The following STARD13 variants were observed in gnomAD, a reference collection of about 807,000 sequenced individuals.
STARD13 encodes StAR related lipid transfer domain containing 13, also known as stAR-related lipid transfer protein 13.
A neutral mutation model predicts 106.4 loss-of-function variants in STARD13; 62 were observed. That is an observed-to-expected ratio of 0.58 (90% CI 0.48 to 0.72). STARD13 has a LOEUF of 0.72. STARD13 is among the 30% of genes least tolerant of loss of function. The pLI, the probability that STARD13 is intolerant of heterozygous loss-of-function variation, is 0.00. For synonymous variants in STARD13, 565 were observed against 553.0 expected, an observed-to-expected ratio of 1.02 and a Z score of -0.31; for missense variants, 1,387 against 1,424.0, an observed-to-expected ratio of 0.97 and a Z score of 0.42.
the STARD13 span, among the ~76,000 whole-genome samples, chr13:33,671,025 A>G: frequency 2.6e-5 from 4 of 152,264 alleles, no homozygotes; most frequent in East Asian, 1.9e-4. Context: ...TCTAGTTAAA[A>G]GGGAATAATG....
chr13:33,483,585 C>G, the STARD13 span, among the ~76,000 whole-genome samples: 15 of 152,200 alleles, frequency 9.9e-5, no homozygotes, highest in Non-Finnish European at 1.9e-4. Flanking sequence ...TGGAAACTCA[C>G]CAGATCACTC....
At chr13:33,529,284 A>G in the STARD13 span, among the ~76,000 whole-genome samples, 1 of 152,198 alleles carries the variant, frequency 6.6e-6, no homozygotes, top group Non-Finnish European at 1.5e-5. Context: ...GGAATAAAGC[A>G]TGAGATGTGA....
chr13:33,268,695 C>T (rs1224205768), intron 1 of STARD13, among the ~76,000 whole-genome samples: 2 of 152,240 alleles, frequency 1.3e-5, no homozygotes, highest in South Asian at 2.1e-4. Context: ...ATGAACATGG[C>T]CTCTACAACT....
intron 1 of STARD13, among the ~76,000 whole-genome samples, chr13:33,206,433 C>A (rs1887425242): frequency 6.6e-6 from 1 of 151,870 alleles, no homozygotes; most frequent in South Asian, 2.1e-4. Context: ...ACTGTGCAAA[C>A]CAATTCCAAG....
At chr13:33,341,479 A>G (rs1371332919) in intron 1 of STARD13, among the ~76,000 whole-genome samples, 1 of 151,962 alleles carries the variant, frequency 6.6e-6, no homozygotes, top group African/African-American at 2.4e-5. Flanking sequence ...TCTACTAAAA[A>G]TACAAAAAAA....
At chr13:33,619,961 G>T in the STARD13 span, among the ~76,000 whole-genome samples, 3 of 152,258 alleles carry the variant, frequency 2.0e-5, no homozygotes, top group East Asian at 5.8e-4. Flanking sequence ...AGAGGATGAA[G>T]TGGGAAAATC....
chr13:33,164,596 C>A (rs1288955710), intron 3 of STARD13, among the ~76,000 whole-genome samples: 1 of 152,104 alleles, frequency 6.6e-6, no homozygotes, highest in African/African-American at 2.4e-5. Context: ...ACAGACACAC[C>A]ACCTCTCAGG....
chr13:33,214,082 G>A (rs1047143222), intron 1 of STARD13, among the ~76,000 whole-genome samples: 14 of 152,116 alleles, frequency 9.2e-5, no homozygotes, highest in East Asian at 7.7e-4. Context: ...TTCGGGGTTC[G>A]CATCACAAGC....
chr13:33,303,452 T>C (rs375045130), intron 1 of STARD13, among the ~76,000 whole-genome samples: 3 of 152,294 alleles, frequency 2.0e-5, no homozygotes, highest in African/African-American at 7.2e-5. Flanking sequence ...TTAGCTTCAG[T>C]GTCCTCATCT....
the STARD13 span, among the ~76,000 whole-genome samples, chr13:33,530,752 T>A: frequency 6.6e-6 from 1 of 152,208 alleles, no homozygotes. Flanking sequence ...GCGAAATACC[T>A]ATATGTATTC....
the STARD13 span, among the ~76,000 whole-genome samples, chr13:33,603,444 G>T: frequency 6.6e-6 from 1 of 152,208 alleles, no homozygotes; most frequent in African/African-American, 2.4e-5. Context: ...CATACATAAC[G>T]CTGGGACTTA....
chr13:33,665,407 A>C, the STARD13 span, among the ~76,000 whole-genome samples: 1 of 152,232 alleles, frequency 6.6e-6, no homozygotes, highest in Non-Finnish European at 1.5e-5. Flanking sequence ...AAGAAAAAAC[A>C]ATACACAGAT....
Position 33,103,142 on chromosome 13 carries a change from T to C in STARD13, c.*2451A>G, listed in dbSNP as rs74637050. The stretch of plus-strand genomic sequence containing the variant: ...AGCATGAAAATCAACATCTATTTTA[T>C]AGAAAATAGGAAATATTTAATATAT... On this transcript the variant is annotated 3_prime_UTR_variant, in exon 14 of 14. Coordinates refer to ENST00000336934, the MANE Select transcript of STARD13 (RefSeq NM_178006.4). 198 of 152,472 alleles carry C rather than the reference T, an allele frequency of 1.3e-3. 1 individual carries two copies. Among genetic ancestry groups the C allele is most frequent in the African/African-American group, 4.5e-3 (188 of 41,590 alleles). The allele number at this position is 152,472 out of a possible 1,614,324, so 9.4% of individuals were successfully genotyped here. A position where few individuals can be genotyped will look rare whatever the true frequency, so the allele number is the denominator to read the frequency against.
chr13:33,333,691 T>C (rs1321524610), intron 1 of STARD13: 2 of 152,222 alleles, frequency 1.3e-5, no homozygotes, highest in African/African-American at 4.8e-5. Flanking sequence ...CTTCAGTCTT[T>C]CCTTTAATCA....
the STARD13 span, chr13:33,359,580 G>C: frequency 6.4e-6 from 1 of 155,346 alleles, no homozygotes; most frequent in East Asian, 1.9e-4. Flanking sequence ...TAGGAGAATT[G>C]TTTGAACCTG....
chr13:33,543,894 A>T, the STARD13 span, among the ~76,000 whole-genome samples: 1 of 152,370 alleles, frequency 6.6e-6, no homozygotes, highest in South Asian at 2.1e-4. Context: ...ACTAAAATAT[A>T]CTGGTGATAC....
intron 1 of STARD13, among the ~76,000 whole-genome samples, chr13:33,262,662 A>ACACACAACACACACACACACACAC (rs5802678): frequency 3.5e-5 from 4 of 114,900 alleles, no homozygotes; most frequent in African/African-American, 1.3e-4. Context: ...ACACACACAC[A>ACACACAACACACACACACACACAC]ACACACACAC....
the STARD13 span, among the ~76,000 whole-genome samples, chr13:33,547,779 ATAAAACT>A: frequency 6.6e-6 from 1 of 152,224 alleles, no homozygotes; most frequent in Non-Finnish European, 1.5e-5. Context: ...TAATTGAATA[ATAAAACT>A]TAAAAGCATT....
intron 1 of STARD13, among the ~76,000 whole-genome samples, chr13:33,261,775 C>T (rs1890651014): frequency 6.6e-6 from 1 of 152,152 alleles, no homozygotes; most frequent in Non-Finnish European, 1.5e-5. Flanking sequence ...AAAAATTCTC[C>T]AGCACAAAAG....
Sources: allele counts gnomAD v4.1 joint callset (sites outside exome capture counted in the v4.1 genomes callset), GRCh38; gene constraint gnomAD v4.1.1; transcripts MANE v1.5; gene names NCBI Gene and HGNC (gene_info 2026-07-23, HGNC 2026-07-21).